The following PDZRN4 variants were observed in gnomAD, a reference collection of about 807,000 sequenced individuals.
PDZRN4 encodes the protein PDZ domain-containing RING finger protein 4.
Under a neutral mutation model 99.0 loss-of-function variants are expected in PDZRN4, and 70 were observed. The ratio of observed to expected loss-of-function variants is 0.71; its 90% CI spans 0.58 to 0.86. The LOEUF is 0.86. Ranked by LOEUF, PDZRN4 falls within the 40% of genes least tolerant of loss-of-function variation. The pLI is 0.00. For synonymous variants in PDZRN4, 551 were observed against 501.6 expected, an observed-to-expected ratio of 1.10 and a Z score of -1.32; for missense variants, 1,474 against 1,331.2, an observed-to-expected ratio of 1.11 and a Z score of -1.67.
intron 9 of PDZRN4, among the ~76,000 whole-genome samples, chr12:41,571,132 C>T (rs1565618883): frequency 6.6e-6 from 1 of 151,790 alleles, no homozygotes; most frequent in African/African-American, 2.4e-5. Context: ...TATATCTATA[C>T]CTATCTATCT....
At chr12:41,278,543 C>T (rs1951364385) in intron 3 of PDZRN4, among the ~76,000 whole-genome samples, 1 of 152,126 alleles carries the variant, frequency 6.6e-6, no homozygotes, top group South Asian at 2.1e-4. Context: ...TCCCTAAAAC[C>T]CTGCTAGAGG....
At chr12:41,472,372 C>T (rs1953002139) in intron 3 of PDZRN4, among the ~76,000 whole-genome samples, 1 of 152,092 alleles carries the variant, frequency 6.6e-6, no homozygotes, top group African/African-American at 2.4e-5. Context: ...TTTATTAATC[C>T]ACTGTGACAA....
chr12:41,347,259 C>A (rs1436992165), intron 3 of PDZRN4, among the ~76,000 whole-genome samples: 1 of 152,102 alleles, frequency 6.6e-6, no homozygotes, highest in African/African-American at 2.4e-5. Flanking sequence ...TTTTACATTC[C>A]CAAAAGCAAT....
At chr12:41,437,581 A>G (rs1303873725) in intron 3 of PDZRN4, 4 of 277,642 alleles carry the variant, frequency 1.4e-5, no homozygotes, top group Admixed American at 5.2e-5. Context: ...AGCAGCAGCT[A>G]TGACACCCCT....
At chr12:41,373,606 G>A (rs1952059489) in intron 3 of PDZRN4, among the ~76,000 whole-genome samples, 2 of 152,234 alleles carry the variant, frequency 1.3e-5, no homozygotes, top group East Asian at 1.9e-4. Flanking sequence ...CTGTTATCCT[G>A]TTCTTTTTTC....
At chr12:41,560,987 G>A (rs1401108094) in intron 7 of PDZRN4, among the ~76,000 whole-genome samples, 2 of 152,152 alleles carry the variant, frequency 1.3e-5, no homozygotes, top group African/African-American at 4.8e-5. Flanking sequence ...TCCCAGGTAC[G>A]ATCCTGAAGG....
At chr12:41,490,088 G>C (rs1030254605) in intron 3 of PDZRN4, among the ~76,000 whole-genome samples, 1 of 151,972 alleles carries the variant, frequency 6.6e-6, no homozygotes, top group Non-Finnish European at 1.5e-5. Context: ...ACCAATATTT[G>C]CCTCTTATTT....
At chr12:41,468,412 T>C (rs955351081) in intron 3 of PDZRN4, among the ~76,000 whole-genome samples, 1 of 152,212 alleles carries the variant, frequency 6.6e-6, no homozygotes, top group Non-Finnish European at 1.5e-5. Flanking sequence ...TTGCCCTCTG[T>C]ATACCAAAGC....
chr12:41,511,593 AAAGG>A lies in PDZRN4; in HGVS notation c.1203+1682_1203+1685del, dbSNP rs566959873. Among the ~76,000 whole-genome samples the A allele has an allele frequency of 3.5e-4, 53 of 152,260 alleles. No individual in the cohort carries two copies. In the East Asian group the frequency reaches 9.1e-3, roughly 26 times the overall value. On this transcript the variant is annotated intron_variant, in intron 5 of 9. Transcript: ENST00000402685. ...TGCTATGACAGTTTTCAATCATTAG[AAAGG>A]ATGCATTTGAGAACAACATGCATGG...
At chr12:41,203,613 G>A (rs1200824867) in intron 3 of PDZRN4, among the ~76,000 whole-genome samples, 1 of 151,940 alleles carries the variant, frequency 6.6e-6, no homozygotes, top group Non-Finnish European at 1.5e-5. Context: ...TGGTACTGTA[G>A]GTATTAATGG....
chr12:41,300,777 T>G (rs1951530693), intron 3 of PDZRN4, among the ~76,000 whole-genome samples: 1 of 152,062 alleles, frequency 6.6e-6, no homozygotes, highest in South Asian at 2.1e-4. Context: ...ACAATATAAC[T>G]TTGTGATTTT....
At chr12:41,287,066 C>T (rs73122805) in intron 3 of PDZRN4, among the ~76,000 whole-genome samples, 1 of 152,128 alleles carries the variant, frequency 6.6e-6, no homozygotes, top group Admixed American at 6.6e-5. Flanking sequence ...CCAGCAACAT[C>T]TTTTGATGTA....
chr12:41,358,665 A>T (rs1362634947), intron 3 of PDZRN4, among the ~76,000 whole-genome samples: 1 of 152,020 alleles, frequency 6.6e-6, no homozygotes, highest in African/African-American at 2.4e-5. Context: ...TAAATCACTC[A>T]TATGTGAAAC....
intron 3 of PDZRN4, among the ~76,000 whole-genome samples, chr12:41,226,227 GT>G (rs371743436): frequency 4.7e-4 from 71 of 152,176 alleles, no homozygotes; most frequent in African/African-American, 1.7e-3. Context: ...GAGGTCCGTG[GT>G]GAGCATTTGC....
chr12:41,300,456 A>G (rs1184697303), intron 3 of PDZRN4, among the ~76,000 whole-genome samples: 1 of 151,998 alleles, frequency 6.6e-6, no homozygotes, highest in African/African-American at 2.4e-5. Flanking sequence ...TATGTATAAC[A>G]TTTTTATGTG....
intron 3 of PDZRN4, among the ~76,000 whole-genome samples, chr12:41,359,144 T>A (rs1482484014): frequency 6.6e-6 from 1 of 151,966 alleles, no homozygotes; most frequent in Non-Finnish European, 1.5e-5. Context: ...TCCTGCTACT[T>A]TCTTCAAAGG....
chr12:41,337,891 C>G (rs1951787296), intron 3 of PDZRN4, among the ~76,000 whole-genome samples: 1 of 152,058 alleles, frequency 6.6e-6, no homozygotes, highest in Non-Finnish European at 1.5e-5. Context: ...TCATAGAGGC[C>G]ACAAGATCCA....
chr12:41,331,753 G>A (rs1419223934), intron 3 of PDZRN4, among the ~76,000 whole-genome samples: 3 of 152,052 alleles, frequency 2.0e-5, no homozygotes, highest in Non-Finnish European at 4.4e-5. Flanking sequence ...CATGGTGAAA[G>A]GCACCTCTTT....
intron 3 of PDZRN4, among the ~76,000 whole-genome samples, chr12:41,415,672 T>C (rs151173465): frequency 1.9e-3 from 292 of 152,294 alleles, no homozygotes; most frequent in Middle Eastern, 0.017. Context: ...GGTTACCTTA[T>C]GGTAGATAAA....
Sources: gnomAD v4.1 joint callset for allele counts (sites outside exome capture counted in the v4.1 genomes callset) on GRCh38, gnomAD v4.1.1 for gene constraint, MANE v1.5 for transcripts, NCBI Gene and HGNC (gene_info 2026-07-23, HGNC 2026-07-21) for gene names.